Variants in PPP1R14C observed in about 807,000 individuals in gnomAD.
PPP1R14C encodes protein phosphatase 1 regulatory subunit 14C.
Under a neutral mutation model 20.4 loss-of-function variants are expected in PPP1R14C, and 16 were observed. The observed-to-expected ratio is 0.78, with a 90% CI of 0.53 to 1.19. The LOEUF is 1.19. Ranked by LOEUF, PPP1R14C falls within the 50% of genes most tolerant of loss-of-function variation. PPP1R14C has a pLI of 0.00. For missense variants in PPP1R14C, 211 were observed against 220.1 expected (o/e 0.96, Z 0.26); for synonymous variants, 91 against 91.0 (o/e 1.00, Z 0.00).
At chr6:150,210,670 T>C (rs1778013314) in intron 1 of PPP1R14C, among the ~76,000 whole-genome samples, 1 of 152,218 alleles carries the variant, frequency 6.6e-6, no homozygotes, top group South Asian at 2.1e-4. Context: ...GACGGACAGC[T>C]TTAAAAATTG....
intron 3 of PPP1R14C, among the ~76,000 whole-genome samples, chr6:150,244,798 A>G (rs1562278916): frequency 6.6e-6 from 1 of 151,972 alleles, no homozygotes; most frequent in Admixed American, 6.6e-5. Context: ...CTTGACTTTT[A>G]TTTTTTCAGA....
intron 3 of PPP1R14C, among the ~76,000 whole-genome samples, chr6:150,237,133 G>A (rs1244852600): frequency 6.6e-6 from 1 of 151,458 alleles, no homozygotes; most frequent in Admixed American, 6.6e-5. Context: ...CTTTCCCATG[G>A]CGAAAATGGG....
intron 1 of PPP1R14C, among the ~76,000 whole-genome samples, chr6:150,168,150 CTTTTTTTTTTT>C (rs1164433647): frequency 1.3e-5 from 1 of 79,116 alleles, no homozygotes; most frequent in Non-Finnish European, 2.5e-5. Flanking sequence ...TACAGCGTCC[CTTTTTTTTTTT>C]TTTTTTTTTG....
chr6:150,144,981 T>G (rs1777166097), intron 1 of PPP1R14C, among the ~76,000 whole-genome samples: 1 of 152,160 alleles, frequency 6.6e-6, no homozygotes, highest in Non-Finnish European at 1.5e-5. Context: ...CAGTTAATTT[T>G]CATTTATTTC....
chr6:150,222,713 T>A (rs1778183854), intron 3 of PPP1R14C, among the ~76,000 whole-genome samples: 1 of 151,872 alleles, frequency 6.6e-6, no homozygotes, highest in Non-Finnish European at 1.5e-5. Context: ...TATATAGCCT[T>A]TCTATTTTCA....
intron 1 of PPP1R14C, among the ~76,000 whole-genome samples, chr6:150,174,459 G>A (rs543936060): frequency 3.2e-4 from 49 of 151,706 alleles, no homozygotes; most frequent in African/African-American, 9.2e-4. Flanking sequence ...CTTGTGATCC[G>A]CCCACCTTGG....
intron 1 of PPP1R14C, among the ~76,000 whole-genome samples, chr6:150,159,537 C>T (rs1432386223): frequency 6.6e-6 from 1 of 152,130 alleles, no homozygotes; most frequent in African/African-American, 2.4e-5. Context: ...GTCCATCCTT[C>T]TGTCAGCCAG....
At chr6:150,167,675 A>G (rs1344714989) in intron 1 of PPP1R14C, among the ~76,000 whole-genome samples, 2 of 152,056 alleles carry the variant, frequency 1.3e-5, no homozygotes, top group Non-Finnish European at 2.9e-5. Flanking sequence ...GGAAGACCAG[A>G]GCTGTCTTAT....
At chr6:150,161,382 A>T (rs1777366201) in intron 1 of PPP1R14C, among the ~76,000 whole-genome samples, 1 of 152,182 alleles carries the variant, frequency 6.6e-6, no homozygotes, top group Admixed American at 6.5e-5. Context: ...CTCTCACATG[A>T]CAGCAAGAAA....
chr6:150,217,345 G>A lies in PPP1R14C; in HGVS notation c.423+489G>A, dbSNP rs534150903. ...TGAGTAGCTGGGATTACAGACGTGC[G>A]TCACCACGCCCGGCTAATTTTTGTA... On this transcript the variant is annotated intron_variant, in intron 3 of 3. Coordinates refer to ENST00000361131, the MANE Select transcript of PPP1R14C (RefSeq NM_030949.3). 1.8e-4 allele frequency among the ~76,000 whole-genome samples: 27 copies of A among 151,966 alleles called. No individual in the cohort carries two copies. In the East Asian group the frequency reaches 3.5e-3, roughly 20 times the overall value.
At chr6:150,195,287 A>G (rs1237852692) in intron 1 of PPP1R14C, 9 of 465,628 alleles carry the variant, frequency 1.9e-5, no homozygotes, top group African/African-American at 4.3e-5. Context: ...AATAAATGAA[A>G]TGCAGTTCCT....
intron 1 of PPP1R14C, among the ~76,000 whole-genome samples, chr6:150,158,394 T>C (rs4870319): frequency 0.85 from 128,776 of 152,168 alleles, 54,710 homozygotes; most frequent in East Asian, 0.91. Context: ...ATAGAATAAT[T>C]TAATCAACAC....
At chr6:150,198,274 T>A (rs1314309751) in intron 1 of PPP1R14C, among the ~76,000 whole-genome samples, 2 of 144,880 alleles carry the variant, frequency 1.4e-5, no homozygotes, top group African/African-American at 5.3e-5. Flanking sequence ...AGGGCCTGGA[T>A]GCCCGGCTTT....
intron 3 of PPP1R14C, among the ~76,000 whole-genome samples, chr6:150,222,764 G>C (rs1374441976): frequency 3.3e-5 from 2 of 61,066 alleles, no homozygotes; most frequent in East Asian, 9.8e-4. Context: ...TTTCAAACTG[G>C]CTTTTTTTTT....
chr6:150,144,759 G>A (rs1777163498), intron 1 of PPP1R14C, among the ~76,000 whole-genome samples: 1 of 152,222 alleles, frequency 6.6e-6, no homozygotes, highest in African/African-American at 2.4e-5. Context: ...AAGCTTGACT[G>A]TATGACTAAT....
intron 3 of PPP1R14C, among the ~76,000 whole-genome samples, chr6:150,232,500 G>T (rs535017459): frequency 1.3e-5 from 2 of 152,336 alleles, no homozygotes; most frequent in South Asian, 2.1e-4. Flanking sequence ...TTTCGTGACT[G>T]TAAGGTCTTA....
intron 1 of PPP1R14C, among the ~76,000 whole-genome samples, chr6:150,161,772 T>A (rs1480658687): frequency 6.6e-6 from 1 of 152,246 alleles, no homozygotes; most frequent in Non-Finnish European, 1.5e-5. Context: ...AGTACCCTTT[T>A]CCCCTATCCC....
rs1486521676 is a variant in PPP1R14C at position 150,248,841 on chromosome 6, C to T, written c.*21C>T. The T allele has an allele frequency of 6.5e-7, 1 of 1,545,128 alleles. No homozygotes were observed. Among genetic ancestry groups the T allele is most frequent in the Non-Finnish European group, 8.9e-7 (1 of 1,120,932 alleles). ...TATGATTCTGGAACAGGGTGAAACT[C>T]TCCCAGAGACGAAGAAAGAGTCCTG... On this transcript the variant is annotated 3_prime_UTR_variant, in exon 4 of 4. Coordinates refer to ENST00000361131, the MANE Select transcript of PPP1R14C (RefSeq NM_030949.3).
intron 1 of PPP1R14C, among the ~76,000 whole-genome samples, chr6:150,175,849 T>C (rs1487402353): frequency 1.3e-5 from 2 of 152,188 alleles, no homozygotes; most frequent in Admixed American, 1.3e-4. Context: ...TTTGGGAAAA[T>C]GCAGTTTGAA....
Sources: gnomAD v4.1 joint callset for allele counts (sites outside exome capture counted in the v4.1 genomes callset) on GRCh38, gnomAD v4.1.1 for gene constraint, MANE v1.5 for transcripts, NCBI Gene and HGNC (gene_info 2026-07-23, HGNC 2026-07-21) for gene names.